IGDCC3: variants seen among roughly 807,000 people sequenced by gnomAD.
The protein encoded by IGDCC3 is putative neuronal cell adhesion molecule.
Under a neutral mutation model 72.0 loss-of-function variants are expected in IGDCC3, and 47 were observed. The ratio of observed to expected loss-of-function variants is 0.65; its 90% CI spans 0.52 to 0.83. The LOEUF (loss-of-function observed/expected upper bound fraction) is 0.83. IGDCC3 is among the 40% of genes least tolerant of loss of function. The pLI, the probability that IGDCC3 is intolerant of heterozygous loss-of-function variation, is 0.00. For synonymous variants in IGDCC3, 477 were observed against 472.8 expected (o/e 1.01, Z -0.11); for missense variants, 1,038 against 1,091.3 (o/e 0.95, Z 0.69).
chr15:65,367,936 A>G (rs1257577376), intron 2 of IGDCC3, among the ~76,000 whole-genome samples: 1 of 151,806 alleles, frequency 6.6e-6, no homozygotes, highest in Admixed American at 6.6e-5. Flanking sequence ...ACTGGTCTCT[A>G]CATTCCTTGT....
chr15:65,343,447 C>A (rs779215735), intron 2 of IGDCC3, among the ~76,000 whole-genome samples: 1 of 152,054 alleles, frequency 6.6e-6, no homozygotes, highest in Non-Finnish European at 1.5e-5. Flanking sequence ...AGGGTATAAA[C>A]CAGAGCCTCT....
At chr15:65,337,672 C>A (rs2091043479) in intron 2 of IGDCC3, among the ~76,000 whole-genome samples, 1 of 152,132 alleles carries the variant, frequency 6.6e-6, no homozygotes, top group Admixed American at 6.5e-5. Flanking sequence ...GGCCGAGGTG[C>A]TGCTGGAGCC....
intron 2 of IGDCC3, among the ~76,000 whole-genome samples, chr15:65,342,845 T>C (rs1372278178): frequency 6.6e-6 from 1 of 152,116 alleles, no homozygotes; most frequent in African/African-American, 2.4e-5. Flanking sequence ...TTGTTTGCTT[T>C]TGTGTTTGTT....
rs1354374177 is a variant in IGDCC3 at position 65,340,689 on chromosome 15, T to C, written c.410-4733A>G. On this transcript the variant is annotated intron_variant, in intron 2 of 13. Coordinates refer to ENST00000327987, the MANE Select transcript of IGDCC3 (RefSeq NM_004884.4). The stretch of plus-strand genomic sequence containing the variant: ...GAATCCCATACACTTCTACTCACTG[T>C]ACCCAACTTTTCCCTTTAGAACCAC... 4.6e-5 allele frequency among the ~76,000 whole-genome samples: 7 copies of C among 152,328 alleles called. No homozygotes were observed. The East Asian group carries it at 1.3e-3, about 29-fold the overall frequency.
At chr15:65,330,824 A>G (rs1258831446) in intron 9 of IGDCC3, 83 bp from the exon 10 acceptor site, 2 of 1,275,724 alleles carry the variant, frequency 1.6e-6, no homozygotes, top group Admixed American at 4.5e-5. Context: ...CCCGACCCCC[A>G]AAAGCCTGAC....
chr15:65,329,408 C>T lies in IGDCC3; in HGVS notation c.2187G>A (p.Gln729=), dbSNP rs77669545. The T allele has an allele frequency of 1.9e-6, 3 of 1,589,828 alleles. No homozygotes were observed. Among genetic ancestry groups the T allele is most frequent in the East Asian group, 4.5e-5 (2 of 44,726 alleles). The change falls in exon 13 of 14, where the codon CAG becomes CAA. Residue 729 remains glutamine (Q), a synonymous_variant. Transcript: ENST00000327987. This position sits in a 1 kb window ranked among gnomAD's most constrained non-coding sequence, Gnocchi z 4.1. The stretch of plus-strand genomic sequence containing the variant: ...CACTCACTGTGGGTCTGGGGTCCGG[C>T]TGCCCTGCTGCGCTGGCCGGGGGGA... ...QLFPPASAAG[Q]PDPRPTQDPA... is the part of the protein sequence containing the mutation.
intron 2 of IGDCC3, among the ~76,000 whole-genome samples, chr15:65,364,482 T>G (rs1056574450): frequency 1.3e-5 from 2 of 152,168 alleles, no homozygotes; most frequent in Non-Finnish European, 2.9e-5. Context: ...GAGCTCAGCC[T>G]CCAGGGTGCT....
intron 10 of IGDCC3, 52 bp from the exon 11 acceptor site, chr15:65,330,449 T>C (rs1288246409): frequency 3.8e-6 from 6 of 1,577,510 alleles, no homozygotes; most frequent in Non-Finnish European, 5.2e-6. Context: ...CCACGTGCCC[T>C]GTCCTAGCCA....
chr15:65,336,059 C>A, intron 2 of IGDCC3, 103 bp from the exon 3 acceptor site: 2 of 1,226,228 alleles, frequency 1.6e-6, no homozygotes, highest in Non-Finnish European at 2.3e-6. Flanking sequence ...GGAGCCCACT[C>A]CATCCAGGGG....
intron 2 of IGDCC3, among the ~76,000 whole-genome samples, 180 bp from the exon 3 acceptor site, chr15:65,336,136 T>C (rs772462715): frequency 1.9e-4 from 29 of 152,106 alleles, no homozygotes; most frequent in Non-Finnish European, 3.5e-4. Context: ...CTCCAATAGC[T>C]AGGAAACATC....
chr15:65,338,345 C>A (rs976910469), intron 2 of IGDCC3, among the ~76,000 whole-genome samples: 2 of 152,210 alleles, frequency 1.3e-5, no homozygotes, highest in Admixed American at 1.3e-4. Context: ...AATTGAAAAC[C>A]ATGAATCTGA....
chr15:65,333,813 G>T (rs180905622), intron 5 of IGDCC3, among the ~76,000 whole-genome samples: 59 of 151,642 alleles, frequency 3.9e-4, no homozygotes, highest in East Asian at 2.5e-3. Context: ...GACCTGGTTG[G>T]GGGGGGAACC....
At chr15:65,354,617 T>C (rs1324039546) in intron 2 of IGDCC3, among the ~76,000 whole-genome samples, 3 of 152,298 alleles carry the variant, frequency 2.0e-5, no homozygotes, top group South Asian at 4.1e-4. Context: ...TTTATCTCTC[T>C]ACCTCCAGCA....
At position 65,330,386 on chromosome 15, in the gene IGDCC3, C is replaced by T; in HGVS notation, c.1765G>A (p.Val589Met). Reference sequence around the variant, plus strand: ...TAGGCGAGCAGCTTCACCTCATACACTGCAGTGGGGTCTGGAGGAAGGCAG... The same window carrying T: ...TAGGCGAGCAGCTTCACCTCATACATTGCAGTGGGGTCTGGAGGAAGGCAG... ...YNLSQLDPTA[V>M]YEVKLLAYNQ... The change falls in exon 11 of 14, where the codon GTG becomes ATG. Residue 589 changes from valine (V) to methionine (M), a missense_variant. Val to Met is a conservative substitution (Grantham distance 21). Coordinates refer to ENST00000327987, the MANE Select transcript of IGDCC3 (RefSeq NM_004884.4). The T allele has an allele frequency of 1.2e-6, 2 of 1,613,498 alleles. No individual in the cohort carries two copies. The highest frequency in any genetic ancestry group is 1.7e-6 in the Non-Finnish European group (2 of 1,179,554).
At chr15:65,374,706 T>C (rs2091347335) in intron 2 of IGDCC3, among the ~76,000 whole-genome samples, 3 of 152,204 alleles carry the variant, frequency 2.0e-5, no homozygotes, top group South Asian at 4.1e-4. Flanking sequence ...AAATTACCCT[T>C]CAAGAATTTC....
At chr15:65,365,684 A>G (rs1406789602) in intron 2 of IGDCC3, among the ~76,000 whole-genome samples, 2 of 152,148 alleles carry the variant, frequency 1.3e-5, no homozygotes, top group East Asian at 3.8e-4. Flanking sequence ...TAGTCTCTGC[A>G]GAGGCCCGAG....
intron 6 of IGDCC3, among the ~76,000 whole-genome samples, chr15:65,332,604 C>A (rs776536807): frequency 3.9e-5 from 6 of 152,206 alleles, no homozygotes; most frequent in Non-Finnish European, 7.3e-5. Context: ...GACAGGTTAA[C>A]GGCACATGGA....
chr15:65,366,643 C>G (rs2091289473), intron 2 of IGDCC3, among the ~76,000 whole-genome samples: 1 of 152,198 alleles, frequency 6.6e-6, no homozygotes, highest in South Asian at 2.1e-4. Context: ...CCCTTTGCAT[C>G]ACATTTCCTT....
At chr15:65,362,151 G>C (rs1334350990) in intron 2 of IGDCC3, among the ~76,000 whole-genome samples, 1 of 151,954 alleles carries the variant, frequency 6.6e-6, no homozygotes, top group African/African-American at 2.4e-5. Context: ...GGAGGAATTG[G>C]AGAGCCGTGT....
Sources: allele counts gnomAD v4.1 joint callset (sites outside exome capture counted in the v4.1 genomes callset), GRCh38; gene constraint gnomAD v4.1.1; non-coding constraint Gnocchi (gnomAD v3.1); transcripts MANE v1.5; gene names NCBI Gene and HGNC (gene_info 2026-07-23, HGNC 2026-07-21).